The following NDUFAB1 variants were observed in gnomAD, a reference collection of about 807,000 sequenced individuals.
NDUFAB1 encodes acyl carrier protein, mitochondrial.
A neutral mutation model predicts 16.1 loss-of-function variants in NDUFAB1; 5 were observed. The observed-to-expected ratio is 0.31, with a 90% CI of 0.16 to 0.65. The LOEUF is 0.65. NDUFAB1 is among the 30% of genes least tolerant of loss of function. The probability of loss-of-function intolerance (pLI) is 0.77; values close to 1 mark genes in which losing one functional copy is unlikely to be tolerated. For missense variants in NDUFAB1, 187 were observed against 205.3 expected, an observed-to-expected ratio of 0.91 and a Z score of 0.54; for synonymous variants, 85 against 78.4, an observed-to-expected ratio of 1.08 and a Z score of -0.44.
At chr16:23,583,746 C>T (rs1467318292) in intron 3 of NDUFAB1, among the ~76,000 whole-genome samples, 1 of 151,042 alleles carries the variant, frequency 6.6e-6, no homozygotes, top group African/African-American at 2.4e-5. Context: ...GCAGCCGCCC[C>T]GTCAGGGAGG....
intron 2 of NDUFAB1, 37 bp from the exon 3 acceptor site, chr16:23,585,460 A>T: frequency 1.4e-6 from 2 of 1,467,192 alleles, no homozygotes; most frequent in South Asian, 2.3e-5. Context: ...AATTTAGTCC[A>T]TGAAAGCATC....
At chr16:23,595,362 C>T (rs1334251767) in intron 1 of NDUFAB1, 3 of 355,250 alleles carry the variant, frequency 8.4e-6, no homozygotes, top group Admixed American at 3.8e-5. Flanking sequence ...CAGGTACAGT[C>T]GTTCCTTGGT....
intron 1 of NDUFAB1, among the ~76,000 whole-genome samples, chr16:23,593,493 A>G (rs541883246): frequency 6.6e-6 from 1 of 152,358 alleles, no homozygotes; most frequent in East Asian, 1.9e-4. Flanking sequence ...CTGGCCCTCA[A>G]TATCTTTGAA....
chr16:23,586,122 T>A (rs1022086808), intron 2 of NDUFAB1, among the ~76,000 whole-genome samples: 1 of 151,948 alleles, frequency 6.6e-6, no homozygotes, highest in African/African-American at 2.4e-5. Context: ...GAGACGGGGT[T>A]TCACCATGTT....
chr16:23,585,454 T>C, intron 2 of NDUFAB1, 31 bp from the exon 3 acceptor site: 1 of 1,532,914 alleles, frequency 6.5e-7, no homozygotes, highest in Middle Eastern at 1.7e-4. Flanking sequence ...ACACAAAATT[T>C]AGTCCATGAA....
chr16:23,589,889 T>A (rs1966263609), intron 1 of NDUFAB1, among the ~76,000 whole-genome samples: 1 of 137,086 alleles, frequency 7.3e-6, no homozygotes, highest in African/African-American at 2.8e-5. Context: ...TGAACTGAGA[T>A]CATGGCTCTA....
chr16:23,587,366 C>T, intron 1 of NDUFAB1, 47 bp from the exon 2 acceptor site: 1 of 1,604,854 alleles, frequency 6.2e-7, no homozygotes, highest in Non-Finnish European at 8.5e-7. Context: ...TGGAAAATAC[C>T]TCTAAATCAA....
chr16:23,583,606 C>G (rs1966202732), intron 3 of NDUFAB1, among the ~76,000 whole-genome samples: 1 of 135,134 alleles, frequency 7.4e-6, no homozygotes, highest in Admixed American at 7.1e-5. Context: ...GTGAGGAGCC[C>G]CTCCGCCCGG....
chr16:23,583,880 T>C (rs1397827262), intron 3 of NDUFAB1, among the ~76,000 whole-genome samples: 2 of 152,076 alleles, frequency 1.3e-5, no homozygotes, highest in African/African-American at 2.4e-5. Flanking sequence ...TAGAAAGAAG[T>C]AGACATAGGA....
chr16:23,586,459 C>T (rs1007466185), intron 2 of NDUFAB1, among the ~76,000 whole-genome samples: 4 of 152,088 alleles, frequency 2.6e-5, no homozygotes, highest in East Asian at 1.9e-4. Flanking sequence ...CTCATCCTCC[C>T]GAGTGGCTGG....
chr16:23,581,831 T>C (rs1220576591), intron 4 of NDUFAB1: 2 of 153,008 alleles, frequency 1.3e-5, no homozygotes, highest in Non-Finnish European at 2.9e-5. Flanking sequence ...ACCAGGCTTA[T>C]AGTGTGTGGC....
At chr16:23,586,627 C>G (rs1319569198) in intron 2 of NDUFAB1, among the ~76,000 whole-genome samples, 2 of 151,956 alleles carry the variant, frequency 1.3e-5, no homozygotes, top group African/African-American at 4.8e-5. Flanking sequence ...GCTACCACGC[C>G]CGGCCCCACT....
intron 3 of NDUFAB1, among the ~76,000 whole-genome samples, chr16:23,583,686 C>T (rs1472016323): frequency 7.5e-4 from 104 of 139,306 alleles, no homozygotes; most frequent in South Asian, 1.4e-3. Flanking sequence ...GTGAGGAGCC[C>T]CTCTGCCCGG....
intron 1 of NDUFAB1, chr16:23,595,609 T>C (rs1186935174): frequency 2.2e-6 from 1 of 456,482 alleles, no homozygotes; most frequent in East Asian, 6.9e-5. Context: ...TAGAATTACT[T>C]CCAGGAGTCC....
At chr16:23,591,549 T>C (rs1164444283) in intron 1 of NDUFAB1, among the ~76,000 whole-genome samples, 1 of 152,250 alleles carries the variant, frequency 6.6e-6, no homozygotes, top group Non-Finnish European at 1.5e-5. Flanking sequence ...AAACTCCTGC[T>C]TACAGACCTC....
intron 2 of NDUFAB1, 35 bp from the exon 3 acceptor site, chr16:23,585,458 C>T (rs367616304): frequency 6.8e-7 from 1 of 1,478,618 alleles, no homozygotes; most frequent in Non-Finnish European, 9.5e-7. Context: ...AAAATTTAGT[C>T]CATGAAAGCA....
intron 1 of NDUFAB1, among the ~76,000 whole-genome samples, chr16:23,593,124 G>A (rs1033417711): frequency 2.0e-5 from 3 of 152,166 alleles, no homozygotes; most frequent in African/African-American, 4.8e-5. Context: ...AGGAGATTCC[G>A]TCTCTAAAAA....
intron 1 of NDUFAB1, among the ~76,000 whole-genome samples, 180 bp from the exon 2 acceptor site, chr16:23,587,499 A>G (rs1966244028): frequency 6.6e-6 from 1 of 152,238 alleles, no homozygotes; most frequent in African/African-American, 2.4e-5. Flanking sequence ...CAGAAGCCCC[A>G]ACAGTTCAGC....
intron 3 of NDUFAB1, among the ~76,000 whole-genome samples, chr16:23,583,603 G>A (rs1182913669): frequency 1.3e-5 from 2 of 148,184 alleles, no homozygotes; most frequent in Non-Finnish European, 3.0e-5. Flanking sequence ...GAAGTGAGGA[G>A]CCCCTCCGCC....
Sources: gnomAD v4.1 joint callset for allele counts (sites outside exome capture counted in the v4.1 genomes callset) on GRCh38, gnomAD v4.1.1 for gene constraint, MANE v1.5 for transcripts, NCBI Gene and HGNC (gene_info 2026-07-23, HGNC 2026-07-21) for gene names.